The following RAP1GDS1 variants were observed in gnomAD, a reference collection of about 807,000 sequenced individuals.
RAP1GDS1 encodes RAP1, GTP-GDP dissociation stimulator 1.
Under a neutral mutation model 71.1 loss-of-function variants are expected in RAP1GDS1, and 35 were observed. The ratio of observed to expected loss-of-function variants is 0.49; its 90% confidence interval spans 0.38 to 0.65. RAP1GDS1 has a LOEUF of 0.65. Ranked by LOEUF, RAP1GDS1 falls within the 30% of genes least tolerant of loss-of-function variation. The pLI, the probability that RAP1GDS1 is intolerant of heterozygous loss-of-function variation, is 0.00. For synonymous variants in RAP1GDS1, 229 were observed against 243.1 expected (o/e 0.94, Z 0.54); for missense variants, 663 against 706.1 (o/e 0.94, Z 0.69).
intron 5 of RAP1GDS1, among the ~76,000 whole-genome samples, chr4:98,382,461 A>ACTT (rs1742151197): frequency 6.6e-6 from 1 of 151,474 alleles, no homozygotes; most frequent in Non-Finnish European, 1.5e-5. Flanking sequence ...GCTTGTTGAC[A>ACTT]CTTTGACATT....
At chr4:98,420,393 T>G (rs1242508689) in intron 11 of RAP1GDS1, among the ~76,000 whole-genome samples, 1 of 151,796 alleles carries the variant, frequency 6.6e-6, no homozygotes, top group East Asian at 1.9e-4. Context: ...TGAGACAGAG[T>G]CTTGTTCTGT....
chr4:98,288,088 T>TGTTAC (rs1392607275), intron 1 of RAP1GDS1, among the ~76,000 whole-genome samples: 1 of 152,140 alleles, frequency 6.6e-6, no homozygotes, highest in East Asian at 1.9e-4. Flanking sequence ...CATGCAGGTT[T>TGTTAC]GTTACATATG....
rs1485142559 is a variant in RAP1GDS1 at position 98,325,917 on chromosome 4, T to A, written c.113-17222T>A. Among the ~76,000 whole-genome samples the A allele has an allele frequency of 1.4e-4, 7 of 48,322 alleles. No individual in the cohort carries two copies. The South Asian group carries it at 3.8e-3, about 26-fold the overall frequency. 31.7% of individuals were successfully genotyped at this position (48,322 alleles called of 152,430 possible). On this transcript the variant is annotated intron_variant, in intron 2 of 14. Coordinates refer to ENST00000408927, the MANE Select transcript of RAP1GDS1 (RefSeq NM_001100427.2). Reference sequence around the variant, plus strand: ...TGCACATGTACCCTAAAACTTAAAGTATTAAAAAAAAAAAGATTCAGTGTA... The same window carrying A: ...TGCACATGTACCCTAAAACTTAAAGAATTAAAAAAAAAAAGATTCAGTGTA...
chr4:98,378,196 TTC>T (rs1230502190), intron 4 of RAP1GDS1, among the ~76,000 whole-genome samples: 1 of 151,912 alleles, frequency 6.6e-6, no homozygotes, highest in African/African-American at 2.4e-5. Context: ...ACACGTATTC[TTC>T]TTTTAATTTA....
intron 7 of RAP1GDS1, among the ~76,000 whole-genome samples, chr4:98,405,870 A>G (rs1470240667): frequency 1.3e-5 from 2 of 152,092 alleles, no homozygotes; most frequent in Non-Finnish European, 2.9e-5. Context: ...AACATTGAAT[A>G]TATCAAAAAA....
At chr4:98,426,379 C>G (rs1749618805) in intron 12 of RAP1GDS1, among the ~76,000 whole-genome samples, 1 of 151,708 alleles carries the variant, frequency 6.6e-6, no homozygotes, top group Non-Finnish European at 1.5e-5. Flanking sequence ...AAGATCAGAG[C>G]AGAACTAAAT....
chr4:98,369,533 A>G (rs902708034), intron 4 of RAP1GDS1, among the ~76,000 whole-genome samples: 2 of 152,238 alleles, frequency 1.3e-5, no homozygotes, highest in African/African-American at 4.8e-5. Context: ...CTATTTAGCA[A>G]TGAAAAAATA....
intron 5 of RAP1GDS1, 124 bp from the exon 6 acceptor site, chr4:98,391,828 A>G (rs976331843): frequency 2.7e-5 from 25 of 925,630 alleles, no homozygotes; most frequent in Admixed American, 3.4e-5. Flanking sequence ...TTCATTTTCT[A>G]TTACTGTAAT....
At chr4:98,423,693 C>CA (rs1458999077) in intron 12 of RAP1GDS1, among the ~76,000 whole-genome samples, 1 of 152,072 alleles carries the variant, frequency 6.6e-6, no homozygotes, top group African/African-American at 2.4e-5. Flanking sequence ...CACAGGCGTG[C>CA]ACCACCATGC....
chr4:98,314,349 A>G (rs1387276635), intron 2 of RAP1GDS1, among the ~76,000 whole-genome samples: 1 of 152,216 alleles, frequency 6.6e-6, no homozygotes, highest in Admixed American at 6.5e-5. Flanking sequence ...CTTAACTTCA[A>G]AAGAAATCAA....
Position 98,387,033 on chromosome 4 carries a change from T to C in RAP1GDS1, c.509-4919T>C, listed in dbSNP as rs147176656. Among the ~76,000 whole-genome samples, 540 of 152,298 alleles carry C rather than the reference T, an allele frequency of 3.5e-3. 3 individuals carry two copies. Among genetic ancestry groups the C allele is most frequent in the African/African-American group, 0.012 (506 of 41,572 alleles). On this transcript the variant is annotated intron_variant, in intron 5 of 14. Transcript: ENST00000408927. ...AGAACTTTTCATCAAGAGTTTTATT[T>C]GCTTCTTTCACTGTTTCAACTATGC...
chr4:98,316,820 A>G (rs569903091), intron 2 of RAP1GDS1, among the ~76,000 whole-genome samples: 3 of 152,304 alleles, frequency 2.0e-5, no homozygotes, highest in Admixed American at 2.0e-4. Context: ...TAATCTAGCT[A>G]AAAGTGAAAG....
intron 5 of RAP1GDS1, chr4:98,387,652 A>C (rs373686326): frequency 1.9e-5 from 6 of 322,006 alleles, no homozygotes; most frequent in East Asian, 7.6e-5. Flanking sequence ...GTAATTTCGT[A>C]AATCTGTATT....
intron 1 of RAP1GDS1, among the ~76,000 whole-genome samples, chr4:98,278,689 T>C (rs1724590836): frequency 6.6e-6 from 1 of 152,170 alleles, no homozygotes; most frequent in African/African-American, 2.4e-5. Context: ...GATATTATCA[T>C]TGTCATTGAT....
intron 9 of RAP1GDS1, 98 bp from the exon 10 acceptor site, chr4:98,418,559 C>A: frequency 9.1e-7 from 1 of 1,095,476 alleles, no homozygotes; most frequent in Non-Finnish European, 1.2e-6. Flanking sequence ...TTGTATAGCT[C>A]CATTTTCCCT....
At chr4:98,392,557 T>C (rs890846198) in intron 6 of RAP1GDS1, among the ~76,000 whole-genome samples, 21 of 152,004 alleles carry the variant, frequency 1.4e-4, no homozygotes, top group Non-Finnish European at 2.8e-4. Context: ...AAAAATTAGC[T>C]GGGTGTGGTG....
chr4:98,276,160 C>T (rs59929475), intron 1 of RAP1GDS1, among the ~76,000 whole-genome samples: 2,962 of 152,114 alleles, frequency 0.019, 102 homozygotes, highest in African/African-American at 0.068. Flanking sequence ...TAACCTCACA[C>T]GGTAGAAGGA....
At chr4:98,364,889 C>T (rs772497168) in intron 4 of RAP1GDS1, among the ~76,000 whole-genome samples, 16 of 151,738 alleles carry the variant, frequency 1.1e-4, no homozygotes, top group South Asian at 2.1e-4. Flanking sequence ...ATTAGCCTGG[C>T]GTGGTGGCAC....
intron 7 of RAP1GDS1, among the ~76,000 whole-genome samples, chr4:98,411,726 A>G (rs1747089450): frequency 6.6e-6 from 1 of 152,232 alleles, no homozygotes; most frequent in African/African-American, 2.4e-5. Flanking sequence ...ATAGGATGAT[A>G]CCATTGAAGG....
Sources: gnomAD v4.1 joint callset for allele counts (sites outside exome capture counted in the v4.1 genomes callset) on GRCh38, gnomAD v4.1.1 for gene constraint, MANE v1.5 for transcripts, NCBI Gene and HGNC (gene_info 2026-07-23, HGNC 2026-07-21) for gene names.